The following CSMD1 variants were observed in gnomAD, a reference collection of about 807,000 sequenced individuals.
The protein encoded by CSMD1 is CUB and sushi domain-containing protein 1.
Under a neutral mutation model 417.5 loss-of-function variants are expected in CSMD1, and 213 were observed. The ratio of observed to expected loss-of-function variants is 0.51; its 90% CI spans 0.46 to 0.57. The LOEUF is 0.57. CSMD1 is among the 20% of genes least tolerant of loss of function. The probability of loss-of-function intolerance (pLI) is 0.00; values close to 1 mark genes in which losing one functional copy is unlikely to be tolerated. For synonymous variants in CSMD1, 2,862 were observed against 1,736.8 expected (o/e 1.65, Z -16.11); for missense variants, 6,923 against 4,529.7 (o/e 1.53, Z -15.17).
At chr8:3,561,908 C>A (rs551041668) in intron 10 of CSMD1, among the ~76,000 whole-genome samples, 2 of 152,328 alleles carry the variant, frequency 1.3e-5, no homozygotes, top group South Asian at 2.1e-4. Context: ...TGCCCAGAGG[C>A]TTCTGCATAA....
chr8:4,785,849 GTTC>G (rs2117209411), intron 1 of CSMD1, among the ~76,000 whole-genome samples: 1 of 152,244 alleles, frequency 6.6e-6, no homozygotes, highest in South Asian at 2.1e-4. Flanking sequence ...GATTAAAGAT[GTTC>G]TTCATGATCC....
At chr8:4,029,514 T>G (rs952395766) in intron 4 of CSMD1, among the ~76,000 whole-genome samples, 3 of 152,142 alleles carry the variant, frequency 2.0e-5, no homozygotes, top group African/African-American at 4.8e-5. Context: ...TTATTCACTA[T>G]CACAAGAACA....
chr8:4,292,976 T>G (rs941655951), intron 3 of CSMD1, among the ~76,000 whole-genome samples: 4 of 152,134 alleles, frequency 2.6e-5, no homozygotes, highest in Non-Finnish European at 5.9e-5. Flanking sequence ...GCAAAAGACG[T>G]GAACAGTCTC....
chr8:4,088,098 G>C (rs867227119), intron 3 of CSMD1, among the ~76,000 whole-genome samples: 1 of 152,216 alleles, frequency 6.6e-6, no homozygotes, highest in South Asian at 2.1e-4. Context: ...CACAAAAGGA[G>C]AAAGAGGAAG....
At position 4,267,574 on chromosome 8, in the gene CSMD1, A is replaced by G. The variant is rs894937454; in HGVS notation, c.415+152379T>C. ...AGAAATAGCAATGGTCACTGACACA[A>G]TAAGTGACACATTCTTGGTTGGTAG... is the stretch of plus-strand genomic sequence containing the variant. On this transcript the variant is annotated intron_variant, in intron 3 of 69. Transcript: ENST00000635120. 4.5e-4 allele frequency among the ~76,000 whole-genome samples: 68 copies of G among 152,022 alleles called. 1 individual carries two copies. The highest frequency in any genetic ancestry group is 7.8e-4 in the Non-Finnish European group (53 of 67,948).
rs1194256754 is a variant in CSMD1, at chr8:4,266,057, C to G, written c.415+153896G>C. On this transcript the variant is annotated intron_variant, in intron 3 of 69. Transcript: ENST00000635120. ...GGCTCGCCCGGCATATTAGCTGATACTGATCACCTGCCCACCGCACATAGA... is the reference window on the plus strand; with the variant it reads ...GGCTCGCCCGGCATATTAGCTGATAGTGATCACCTGCCCACCGCACATAGA... Among the ~76,000 whole-genome samples, 7 of 103,768 alleles carry G rather than the reference C, an allele frequency of 6.7e-5. 1 individual carries two copies. The highest frequency in any genetic ancestry group is 1.3e-4 in the African/African-American group (5 of 38,022). The allele number at this position is 103,768 out of a possible 152,430, so 68.1% of individuals were successfully genotyped here. A position where few individuals can be genotyped will look rare whatever the true frequency, so the allele number is the denominator to read the frequency against.
intron 5 of CSMD1, among the ~76,000 whole-genome samples, chr8:3,991,118 A>T (rs1309673867): frequency 6.6e-6 from 1 of 152,194 alleles, no homozygotes; most frequent in Non-Finnish European, 1.5e-5. Flanking sequence ...GCCGAGAGAA[A>T]AGGTAGAGAC....
chr8:4,910,344 A>T (rs1318361733), intron 1 of CSMD1, among the ~76,000 whole-genome samples: 1 of 152,200 alleles, frequency 6.6e-6, no homozygotes, highest in African/African-American at 2.4e-5. Flanking sequence ...GATGTATCTT[A>T]GTCAATTTTG....
chr8:4,542,944 G>C (rs150497512), intron 2 of CSMD1, among the ~76,000 whole-genome samples: 2 of 152,162 alleles, frequency 1.3e-5, no homozygotes, highest in East Asian at 3.9e-4. Context: ...CCTCCATACA[G>C]TTATAATCAT....
intron 1 of CSMD1, among the ~76,000 whole-genome samples, chr8:4,831,489 G>C (rs917907241): frequency 2.0e-5 from 3 of 152,040 alleles, no homozygotes; most frequent in Admixed American, 6.5e-5. Context: ...TTAGAGTTTT[G>C]TCAAGATGCT....
intron 1 of CSMD1, among the ~76,000 whole-genome samples, chr8:4,961,899 C>G (rs201424869): frequency 4.2e-5 from 1 of 23,950 alleles, no homozygotes; most frequent in Admixed American, 3.6e-4. Context: ...AAATTCCTTC[C>G]TTTTTTTTCC....
At chr8:4,686,163 G>C (rs1249296248) in intron 1 of CSMD1, among the ~76,000 whole-genome samples, 1 of 152,208 alleles carries the variant, frequency 6.6e-6, no homozygotes, top group Non-Finnish European at 1.5e-5. Context: ...CTCAAGAAGA[G>C]AAGCAGTGCA....
At chr8:4,630,265 TACACAC>T (rs57214957) in intron 2 of CSMD1, among the ~76,000 whole-genome samples, 30,004 of 148,654 alleles carry the variant, frequency 0.2, 3,093 homozygotes, top group Non-Finnish European at 0.24. Context: ...ACACAGCAAA[TACACAC>T]ACACACACAC....
intron 3 of CSMD1, among the ~76,000 whole-genome samples, chr8:4,133,016 C>T (rs147916043): frequency 6.6e-6 from 1 of 152,140 alleles, no homozygotes; most frequent in Non-Finnish European, 1.5e-5. Context: ...TCACTGCAAC[C>T]TCCGACTCCC....
At chr8:3,997,262 T>C (rs1230366643) in intron 5 of CSMD1, among the ~76,000 whole-genome samples, 5 of 152,218 alleles carry the variant, frequency 3.3e-5, no homozygotes, top group Admixed American at 6.5e-5. Flanking sequence ...ACACAAACGA[T>C]ACTATTCTTG....
chr8:4,177,011 G>C (rs1433924341), intron 3 of CSMD1, among the ~76,000 whole-genome samples: 1 of 152,116 alleles, frequency 6.6e-6, no homozygotes, highest in East Asian at 1.9e-4. Flanking sequence ...GTCAACATTA[G>C]AAATATCAAC....
intron 41 of CSMD1, among the ~76,000 whole-genome samples, chr8:3,130,523 A>G (rs527475418): frequency 6.6e-5 from 10 of 152,144 alleles, no homozygotes; most frequent in African/African-American, 2.4e-4. Flanking sequence ...GTGACATCAC[A>G]TTGCACCTAG....
chr8:3,536,319 T>G (rs994274817), intron 10 of CSMD1, among the ~76,000 whole-genome samples: 1 of 152,218 alleles, frequency 6.6e-6, no homozygotes, highest in Non-Finnish European at 1.5e-5. Flanking sequence ...ATATTTAAAA[T>G]GGCAGCCTGT....
chr8:4,294,518 C>T (rs1299702416), intron 3 of CSMD1, among the ~76,000 whole-genome samples: 23 of 152,148 alleles, frequency 1.5e-4, no homozygotes, highest in Admixed American at 1.5e-3. Flanking sequence ...ATGAGTTCCT[C>T]CACTTTGCAG....
Sources: gnomAD v4.1 joint callset for allele counts (sites outside exome capture counted in the v4.1 genomes callset) on GRCh38, gnomAD v4.1.1 for gene constraint, MANE v1.5 for transcripts, NCBI Gene and HGNC (gene_info 2026-07-23, HGNC 2026-07-21) for gene names.